The following FGD5 variants were observed in gnomAD, a reference collection of about 807,000 sequenced individuals.
FGD5 encodes FYVE, RhoGEF and PH domain containing 5, also known as FYVE, RhoGEF and PH domain-containing protein 5.
In FGD5, 28 loss-of-function variants were observed where a neutral mutation model predicts 133.4. The ratio of observed to expected loss-of-function variants is 0.21; its 90% CI spans 0.16 to 0.29. FGD5 has a LOEUF of 0.29. Ranked by LOEUF, FGD5 falls within the 10% of genes least tolerant of loss-of-function variation. The probability of loss-of-function intolerance (pLI) is 1.00; values close to 1 mark genes in which losing one functional copy is unlikely to be tolerated. For missense variants in FGD5, 1,858 were observed against 1,895.2 expected (o/e 0.98, Z 0.36); for synonymous variants, 810 against 776.5 (o/e 1.04, Z -0.72).
intron 2 of FGD5, among the ~76,000 whole-genome samples, chr3:14,864,782 G>A (rs2037463087): frequency 1.3e-5 from 2 of 152,158 alleles, no homozygotes; most frequent in Non-Finnish European, 1.5e-5. Flanking sequence ...TGGGGGCCAC[G>A]TCACAGTGAA....
chr3:14,846,892 C>T (rs1363761613), intron 1 of FGD5, among the ~76,000 whole-genome samples: 2 of 152,148 alleles, frequency 1.3e-5, no homozygotes, highest in Non-Finnish European at 2.9e-5. Flanking sequence ...CAGATCTTAG[C>T]TGGGCTGTAA....
chr3:14,922,011 C>T lies in FGD5; in HGVS notation c.3663C>T (p.Ser1221=), dbSNP rs1482860106. 4 of 1,558,814 alleles carry T rather than the reference C, an allele frequency of 2.6e-6. No homozygotes were observed. The highest frequency in any genetic ancestry group is 3.5e-6 in the Non-Finnish European group (4 of 1,151,402). ...KAQALAAFHH[S]VEIRERLGVS... is the part of the protein sequence containing the mutation. The stretch of plus-strand genomic sequence containing the variant: ...AGGCGCTGGCTGCATTCCACCATAG[C>T]GTGGAGGTGAGTGGGTGGGCAGGGC... Residue 1221 remains serine (S), a synonymous_variant, in exon 14 of 20, where the codon AGC becomes AGT. Transcript: ENST00000285046. The surrounding 1 kb of genome is among the most constrained non-coding windows in gnomAD (Gnocchi z 4.1).
chr3:14,878,481 A>G (rs1177363011), intron 2 of FGD5, among the ~76,000 whole-genome samples: 1 of 152,208 alleles, frequency 6.6e-6, no homozygotes, highest in African/African-American at 2.4e-5. Context: ...CCTCAGTGAC[A>G]AAAACAACAA....
At chr3:14,812,876 G>C (rs1294570599) in intron 1 of FGD5, among the ~76,000 whole-genome samples, 1 of 152,106 alleles carries the variant, frequency 6.6e-6, no homozygotes, top group Non-Finnish European at 1.5e-5. Context: ...ATATTTATTG[G>C]GTACTTAATA....
At chr3:14,882,558 CATG>C (rs2037845777) in intron 4 of FGD5, among the ~76,000 whole-genome samples, 1 of 151,978 alleles carries the variant, frequency 6.6e-6, no homozygotes, top group Non-Finnish European at 1.5e-5. Context: ...ATTAGCCAGG[CATG>C]GTGGTGGGCG....
At chr3:14,868,010 G>A (rs1251115951) in intron 2 of FGD5, among the ~76,000 whole-genome samples, 2 of 152,004 alleles carry the variant, frequency 1.3e-5, no homozygotes, top group Non-Finnish European at 2.9e-5. Flanking sequence ...CAGGACAGGA[G>A]GCTGAGCCCC....
At chr3:14,855,523 T>C (rs982143377) in intron 1 of FGD5, among the ~76,000 whole-genome samples, 1 of 152,220 alleles carries the variant, frequency 6.6e-6, no homozygotes, top group African/African-American at 2.4e-5. Flanking sequence ...GCATTTGTTA[T>C]CTTGCGTCTT....
At chr3:14,921,157 G>T (rs2038672825) in intron 13 of FGD5, among the ~76,000 whole-genome samples, 1 of 152,228 alleles carries the variant, frequency 6.6e-6, no homozygotes, top group Non-Finnish European at 1.5e-5. Context: ...CACACTTGAA[G>T]CTCCCAGGGG....
intron 18 of FGD5, among the ~76,000 whole-genome samples, chr3:14,927,798 C>T (rs936576754): frequency 8.5e-5 from 13 of 152,102 alleles, no homozygotes; most frequent in South Asian, 2.1e-4. Context: ...GGTCTTGCTT[C>T]GTTGTCCAAG....
intron 9 of FGD5, among the ~76,000 whole-genome samples, chr3:14,904,954 T>A (rs376050466): frequency 6.6e-6 from 1 of 152,114 alleles, no homozygotes; most frequent in East Asian, 1.9e-4. Context: ...ATGGCTGGCC[T>A]TTATTTATTT....
At chr3:14,870,803 A>G (rs1689570) in intron 2 of FGD5, among the ~76,000 whole-genome samples, 21,886 of 151,856 alleles carry the variant, frequency 0.14, 1,899 homozygotes, top group East Asian at 0.39. Flanking sequence ...ATCCCATACC[A>G]AGCTCATCCT....
At chr3:14,903,850 A>G (rs1005861525) in intron 9 of FGD5, among the ~76,000 whole-genome samples, 1 of 152,046 alleles carries the variant, frequency 6.6e-6, no homozygotes, top group Non-Finnish European at 1.5e-5. Flanking sequence ...AGGACCCCAC[A>G]TGCTGTTTAG....
chr3:14,927,501 A>C (rs1010330066), intron 18 of FGD5, among the ~76,000 whole-genome samples: 4 of 152,140 alleles, frequency 2.6e-5, no homozygotes, highest in African/African-American at 9.7e-5. Context: ...TGATGGACTT[A>C]AGTATGACTC....
intron 1 of FGD5, among the ~76,000 whole-genome samples, chr3:14,852,061 T>C (rs2037174633): frequency 6.6e-6 from 1 of 152,196 alleles, no homozygotes; most frequent in Non-Finnish European, 1.5e-5. Context: ...ACATTAAATA[T>C]AGATTTATCA....
chr3:14,813,256 A>G (rs796680780), intron 1 of FGD5, among the ~76,000 whole-genome samples: 4 of 152,310 alleles, frequency 2.6e-5, no homozygotes, highest in African/African-American at 9.6e-5. Flanking sequence ...TGATGTGCCC[A>G]AGATCACAGA....
At chr3:14,861,748 A>C (rs1311197520) in intron 1 of FGD5, among the ~76,000 whole-genome samples, 1 of 152,052 alleles carries the variant, frequency 6.6e-6, no homozygotes, top group Non-Finnish European at 1.5e-5. Flanking sequence ...GGGAGACCAC[A>C]GCAGCAGCAG....
At chr3:14,891,815 G>A (rs1031032858) in intron 4 of FGD5, among the ~76,000 whole-genome samples, 1 of 152,154 alleles carries the variant, frequency 6.6e-6, no homozygotes, top group African/African-American at 2.4e-5. Flanking sequence ...ACAGTGCGAG[G>A]GGGTCTCTCA....
intron 4 of FGD5, chr3:14,882,274 T>C (rs2037839916): frequency 8.1e-6 from 8 of 985,278 alleles, no homozygotes; most frequent in Non-Finnish European, 8.4e-6. Context: ...GTTTTATGAC[T>C]TCATAAGAGG....
chr3:14,866,416 A>T (rs1449366800), intron 2 of FGD5, among the ~76,000 whole-genome samples: 3 of 152,110 alleles, frequency 2.0e-5, no homozygotes, highest in Non-Finnish European at 4.4e-5. Context: ...GGCCCTGGAC[A>T]TTGGCTATTA....
Sources: allele counts gnomAD v4.1 joint callset (sites outside exome capture counted in the v4.1 genomes callset), GRCh38; gene constraint gnomAD v4.1.1; non-coding constraint Gnocchi (gnomAD v3.1); transcripts MANE v1.5; gene names NCBI Gene and HGNC (gene_info 2026-07-23, HGNC 2026-07-21).